CADM2: variants seen among roughly 807,000 people sequenced by gnomAD.
CADM2 encodes the protein immunoglobulin superfamily member 4D.
Under a neutral mutation model 49.8 loss-of-function variants are expected in CADM2, and 12 were observed. The observed-to-expected ratio is 0.24, with a 90% CI of 0.15 to 0.39. The LOEUF is 0.39. CADM2 is among the 10% of genes least tolerant of loss of function. The pLI is 1.00. For synonymous variants in CADM2, 214 were observed against 175.4 expected (o/e 1.22, Z -1.74); for missense variants, 378 against 492.3 (o/e 0.77, Z 2.20).
chr3:85,330,593 A>C lies in CADM2; in HGVS notation c.61+370925A>C, dbSNP rs139976138. 7.6e-3 allele frequency among the ~76,000 whole-genome samples: 1,153 copies of C among 152,228 alleles called. 24 individuals carry two copies. The highest frequency in any genetic ancestry group is 5.9e-3 in the Non-Finnish European group (403 of 68,002). ...ATTGAGACAGAAAATAGAAAAATTTATCTGAATTTTTCATAGGCAATGTCT... is the reference window on the plus strand; with the variant it reads ...ATTGAGACAGAAAATAGAAAAATTTCTCTGAATTTTTCATAGGCAATGTCT... On this transcript the variant is annotated intron_variant, in intron 1 of 9. Coordinates refer to ENST00000383699, the MANE Select transcript of CADM2 (RefSeq NM_001167675.2).
At chr3:85,659,053 A>AAATAATAATAAT (rs71112106) in intron 1 of CADM2, among the ~76,000 whole-genome samples, 34,565 of 139,722 alleles carry the variant, frequency 0.25, 4,426 homozygotes, top group East Asian at 0.38. Flanking sequence ...CTCTGTCTCT[A>AAATAATAATAAT]AATAATAATA....
chr3:85,504,451 G>T (rs987509906), intron 1 of CADM2, among the ~76,000 whole-genome samples: 1 of 152,186 alleles, frequency 6.6e-6, no homozygotes, highest in African/African-American at 2.4e-5. Flanking sequence ...TGCTGCTCGG[G>T]CAGCCTGCTG....
At chr3:85,672,163 A>G (rs2065757785) in intron 1 of CADM2, among the ~76,000 whole-genome samples, 1 of 151,744 alleles carries the variant, frequency 6.6e-6, no homozygotes, top group African/African-American at 2.4e-5. Context: ...TAAAATTTAC[A>G]TAATTCTAAA....
chr3:85,943,590 A>T (rs1313122156), intron 7 of CADM2, among the ~76,000 whole-genome samples: 2 of 151,860 alleles, frequency 1.3e-5, no homozygotes, highest in African/African-American at 4.8e-5. Flanking sequence ...TATTAAATAG[A>T]GTCAATCCTA....
intron 1 of CADM2, among the ~76,000 whole-genome samples, chr3:85,345,764 G>C (rs2030572703): frequency 6.6e-6 from 1 of 152,122 alleles, no homozygotes; most frequent in South Asian, 2.1e-4. Flanking sequence ...ACTTAAATTT[G>C]TCTTTGAATG....
chr3:85,572,569 G>A (rs890369613), intron 1 of CADM2, among the ~76,000 whole-genome samples: 3 of 152,066 alleles, frequency 2.0e-5, no homozygotes, highest in African/African-American at 4.8e-5. Flanking sequence ...GCTGGAGACC[G>A]TGGGATGCTT....
At chr3:86,055,467 T>TTTTTG (rs1737819519) in intron 8 of CADM2, among the ~76,000 whole-genome samples, 1 of 128,478 alleles carries the variant, frequency 7.8e-6, no homozygotes, top group East Asian at 2.7e-4. Context: ...TTTTTTTTTT[T>TTTTTG]TTTTTTTTTT....
intron 1 of CADM2, among the ~76,000 whole-genome samples, chr3:85,069,921 A>C (rs909502230): frequency 1.6e-4 from 24 of 152,144 alleles, no homozygotes; most frequent in African/African-American, 5.8e-4. Context: ...TCCTTAGCAG[A>C]ACTTTGGTTT....
chr3:85,566,411 A>G (rs1408093274), intron 1 of CADM2, among the ~76,000 whole-genome samples: 1 of 152,164 alleles, frequency 6.6e-6, no homozygotes, highest in Non-Finnish European at 1.5e-5. Flanking sequence ...TGATACTCAG[A>G]GAAAACAAGC....
At chr3:84,982,081 T>G (rs2032213081) in intron 1 of CADM2, among the ~76,000 whole-genome samples, 1 of 152,204 alleles carries the variant, frequency 6.6e-6, no homozygotes, top group Admixed American at 6.5e-5. Flanking sequence ...AAGCTATGCA[T>G]ACAATTGAGA....
chr3:85,158,207 A>T (rs1441814181), intron 1 of CADM2, among the ~76,000 whole-genome samples: 4 of 152,184 alleles, frequency 2.6e-5, no homozygotes, highest in Non-Finnish European at 5.9e-5. Flanking sequence ...GCTGGAGAGG[A>T]TATGGAGAAA....
intron 1 of CADM2, among the ~76,000 whole-genome samples, chr3:85,509,030 G>A (rs1043087095): frequency 6.6e-6 from 1 of 152,222 alleles, no homozygotes. Context: ...TATGAAGAAT[G>A]TGTTGCTTTT....
intron 2 of CADM2, among the ~76,000 whole-genome samples, chr3:85,759,080 G>T (rs141645163): frequency 8.0e-4 from 122 of 151,998 alleles, no homozygotes; most frequent in African/African-American, 2.7e-3. Flanking sequence ...TACAGAGAGG[G>T]AATCAAACAG....
At chr3:85,228,216 C>A (rs931893429) in intron 1 of CADM2, among the ~76,000 whole-genome samples, 1 of 151,990 alleles carries the variant, frequency 6.6e-6, no homozygotes, top group South Asian at 2.1e-4. Context: ...TTCTGTACAG[C>A]ATTTTCCAAG....
intron 1 of CADM2, among the ~76,000 whole-genome samples, chr3:85,673,492 TA>T (rs573804511): frequency 2.9e-3 from 413 of 141,156 alleles, no homozygotes; most frequent in African/African-American, 5.2e-3. Context: ...AGAGTGCTAT[TA>T]AAAAAAAAAA....
chr3:85,567,510 G>A (rs1001782246), intron 1 of CADM2, among the ~76,000 whole-genome samples: 7 of 152,194 alleles, frequency 4.6e-5, no homozygotes, highest in African/African-American at 1.7e-4. Context: ...AAAGTATAAA[G>A]GTCTTAGAGA....
Position 86,066,895 on chromosome 3 carries a change from A to T in CADM2, c.*112A>T. ...GTCTGCTACCCTTATTAACTCCCAT[A>T]CTGTACTGCTATCAGTAGCCAGTGT... On this transcript the variant is annotated 3_prime_UTR_variant, in exon 10 of 10. Transcript: ENST00000383699. 1.4e-6 allele frequency: 1 copy of T among 734,838 alleles called. No individual in the cohort carries two copies. Among genetic ancestry groups the T allele is most frequent in the Non-Finnish European group, 2.4e-6 (1 of 413,790 alleles). The allele number at this position is 734,838 out of a possible 1,614,324, so 45.5% of individuals were successfully genotyped here.
chr3:85,125,866 A>G (rs1450393572), intron 1 of CADM2, among the ~76,000 whole-genome samples: 1 of 152,220 alleles, frequency 6.6e-6, no homozygotes, highest in African/African-American at 2.4e-5. Flanking sequence ...ATACTGCCCC[A>G]AACTTAAAAT....
intron 1 of CADM2, among the ~76,000 whole-genome samples, chr3:85,041,337 T>C (rs1184008315): frequency 6.6e-6 from 1 of 152,174 alleles, no homozygotes; most frequent in African/African-American, 2.4e-5. Context: ...TTTTAAAAAA[T>C]TCGCACAGTG....
Sources: allele counts gnomAD v4.1 joint callset (sites outside exome capture counted in the v4.1 genomes callset), GRCh38; gene constraint gnomAD v4.1.1; transcripts MANE v1.5; gene names NCBI Gene and HGNC (gene_info 2026-07-23, HGNC 2026-07-21).